ARHGAP44: variants seen among roughly 807,000 people sequenced by gnomAD.
ARHGAP44 encodes rho GTPase-activating protein 44.
A neutral mutation model predicts 106.8 loss-of-function variants in ARHGAP44; 43 were observed. The observed-to-expected ratio is 0.40, with a 90% CI of 0.32 to 0.52. The LOEUF (loss-of-function observed/expected upper bound fraction) is 0.52, where lower values mean the gene tolerates loss of function less well. Among genes scored for constraint, ARHGAP44 ranks in the 20% least tolerant of loss-of-function variants. The pLI is 0.48. For synonymous variants in ARHGAP44, 439 were observed against 410.3 expected (o/e 1.07, Z -0.85); for missense variants, 866 against 1,050.5 (o/e 0.82, Z 2.43).
intron 3 of ARHGAP44, among the ~76,000 whole-genome samples, chr17:12,897,342 T>A (rs1482106696): frequency 6.6e-6 from 1 of 152,074 alleles, no homozygotes; most frequent in Non-Finnish European, 1.5e-5. Flanking sequence ...TTAGCCTCAT[T>A]TCTGTTGGAC....
chr17:12,878,244 G>A (rs949528302), intron 1 of ARHGAP44, among the ~76,000 whole-genome samples: 12 of 150,452 alleles, frequency 8.0e-5, no homozygotes, highest in Admixed American at 2.6e-4. Flanking sequence ...TTTTCAGAGC[G>A]TCTTATGAAT....
chr17:12,977,806 G>A (rs888714940), intron 18 of ARHGAP44, among the ~76,000 whole-genome samples: 2 of 152,106 alleles, frequency 1.3e-5, no homozygotes, highest in African/African-American at 2.4e-5. Flanking sequence ...TTGGGTGGCC[G>A]AGGGGGGTGG....
At chr17:12,916,846 C>A (rs965124799) in intron 5 of ARHGAP44, among the ~76,000 whole-genome samples, 1 of 152,206 alleles carries the variant, frequency 6.6e-6, no homozygotes, top group Non-Finnish European at 1.5e-5. Context: ...GAGCTTTGAA[C>A]CCTGAATCCC....
intron 1 of ARHGAP44, among the ~76,000 whole-genome samples, chr17:12,833,415 CTT>C (rs893807276): frequency 6.6e-6 from 1 of 152,166 alleles, no homozygotes; most frequent in African/African-American, 2.4e-5. Context: ...TCTCTTGACT[CTT>C]TTCCGTGTGT....
intron 7 of ARHGAP44, among the ~76,000 whole-genome samples, chr17:12,940,081 T>C (rs903223783): frequency 1.3e-5 from 2 of 152,208 alleles, no homozygotes; most frequent in Non-Finnish European, 2.9e-5. Context: ...GAAGAGCCTC[T>C]TCCTGAAGCA....
Position 12,949,571 on chromosome 17 carries a change from A to C in ARHGAP44, c.974-78A>C. On this transcript the variant is annotated intron_variant, in intron 11 of 20. Transcript: ENST00000379672. This position sits in a 1 kb window ranked among gnomAD's most constrained non-coding sequence, Gnocchi z 4.1. ...GGAGGCCCATCCCCAGATGGAACCC[A>C]CATAGGCAGTGCTGGCTGGTGGGTC... is the stretch of plus-strand genomic sequence containing the variant. 5.0e-6 allele frequency: 7 copies of C among 1,386,150 alleles called. No individual in the cohort carries two copies. Among genetic ancestry groups the C allele is most frequent in the Non-Finnish European group, 7.1e-6 (7 of 985,350 alleles). 85.9% of individuals were successfully genotyped at this position (1,386,150 alleles called of 1,614,324 possible).
chr17:12,849,092 T>G (rs2150843931), intron 1 of ARHGAP44, among the ~76,000 whole-genome samples: 1 of 151,936 alleles, frequency 6.6e-6, no homozygotes, highest in Non-Finnish European at 1.5e-5. Flanking sequence ...ATTCAGATCC[T>G]AGCCCACAAA....
At chr17:12,987,231 C>T in intron 20 of ARHGAP44, 3 of 1,310,614 alleles carry the variant, frequency 2.3e-6, no homozygotes, top group African/African-American at 1.5e-5. Flanking sequence ...CGCTCCTCGT[C>T]TCTGCATGTG....
At chr17:12,955,760 T>C in intron 13 of ARHGAP44, 107 bp from the exon 14 acceptor site, 1 of 666,788 alleles carries the variant, frequency 1.5e-6, no homozygotes, top group South Asian at 1.9e-5. Context: ...TGCACGAGTC[T>C]CCTAGTCAGT....
chr17:12,947,580 C>G (rs534902053), intron 10 of ARHGAP44, among the ~76,000 whole-genome samples: 1 of 152,322 alleles, frequency 6.6e-6, no homozygotes, highest in African/African-American at 2.4e-5. Context: ...CCTCTAACAC[C>G]CCCGAAACAG....
intron 18 of ARHGAP44, among the ~76,000 whole-genome samples, chr17:12,975,714 C>T (rs1044472735): frequency 7.1e-6 from 1 of 139,982 alleles, no homozygotes; most frequent in Non-Finnish European, 1.5e-5. Context: ...AGGAGAATGG[C>T]GTGAACCCAG....
intron 1 of ARHGAP44, among the ~76,000 whole-genome samples, chr17:12,843,245 C>G (rs1485480890): frequency 6.6e-6 from 1 of 152,122 alleles, no homozygotes; most frequent in African/African-American, 2.4e-5. Context: ...TTCTCCCTGC[C>G]TCCCTCTGTT....
intron 1 of ARHGAP44, among the ~76,000 whole-genome samples, chr17:12,819,395 C>A (rs908242200): frequency 6.6e-6 from 1 of 151,944 alleles, no homozygotes; most frequent in Admixed American, 6.6e-5. Flanking sequence ...CATATGCTAT[C>A]AACATTATGG....
At chr17:12,898,904 C>CG (rs1219383316) in intron 3 of ARHGAP44, among the ~76,000 whole-genome samples, 4 of 152,136 alleles carry the variant, frequency 2.6e-5, no homozygotes, top group African/African-American at 9.7e-5. Context: ...GGGAGAAGTC[C>CG]GCAGTGGAAG....
intron 1 of ARHGAP44, among the ~76,000 whole-genome samples, chr17:12,887,410 C>T (rs1269351721): frequency 6.6e-6 from 1 of 151,932 alleles, no homozygotes; most frequent in Non-Finnish European, 1.5e-5. Context: ...TTCTCTCTCT[C>T]CTTTTGTTTT....
chr17:12,857,734 C>T (rs115688642), intron 1 of ARHGAP44, among the ~76,000 whole-genome samples: 2,872 of 152,002 alleles, frequency 0.019, 95 homozygotes, highest in African/African-American at 0.066. Context: ...ATACCCCAAC[C>T]ACCACAAACT....
At chr17:12,981,781 TG>T (rs2039837526) in intron 19 of ARHGAP44, among the ~76,000 whole-genome samples, 1 of 148,838 alleles carries the variant, frequency 6.7e-6, no homozygotes, top group African/African-American at 2.5e-5. Context: ...GAGGCTGAGA[TG>T]GGCAGATTGC....
chr17:12,795,125 C>A (rs1203680347), intron 1 of ARHGAP44, among the ~76,000 whole-genome samples: 1 of 152,198 alleles, frequency 6.6e-6, no homozygotes, highest in African/African-American at 2.4e-5. Context: ...GTTAGCCCAG[C>A]AGGGCTGGGC....
chr17:12,843,324 C>T (rs2035471060), intron 1 of ARHGAP44, among the ~76,000 whole-genome samples: 1 of 152,164 alleles, frequency 6.6e-6, no homozygotes, highest in Non-Finnish European at 1.5e-5. Context: ...CAGTGGATCT[C>T]ACCACGGTTC....
Sources: allele counts gnomAD v4.1 joint callset (sites outside exome capture counted in the v4.1 genomes callset), GRCh38; gene constraint gnomAD v4.1.1; non-coding constraint Gnocchi (gnomAD v3.1); transcripts MANE v1.5; gene names NCBI Gene and HGNC (gene_info 2026-07-23, HGNC 2026-07-21).